TLE1: variants seen among roughly 807,000 people sequenced by gnomAD.
TLE1 encodes transducin-like enhancer protein 1.
Under a neutral mutation model 89.8 loss-of-function variants are expected in TLE1, and 21 were observed. The observed-to-expected ratio is 0.23, with a 90% confidence interval of 0.17 to 0.34. TLE1 has a LOEUF of 0.34. Among genes scored for constraint, TLE1 ranks in the 10% least tolerant of loss-of-function variants. The pLI is 1.00. For synonymous variants in TLE1, 447 were observed against 407.6 expected, an observed-to-expected ratio of 1.10 and a Z score of -1.16; for missense variants, 795 against 1,031.2, an observed-to-expected ratio of 0.77 and a Z score of 3.14.
chr9:81,634,526 C>T (rs1827131621), intron 6 of TLE1, among the ~76,000 whole-genome samples: 1 of 152,178 alleles, frequency 6.6e-6, no homozygotes, highest in Admixed American at 6.5e-5. Flanking sequence ...TTCACCTGCT[C>T]AATTACCTCT....
intron 4 of TLE1, among the ~76,000 whole-genome samples, chr9:81,666,961 A>T (rs954818053): frequency 3.3e-5 from 5 of 151,918 alleles, no homozygotes; most frequent in African/African-American, 9.7e-5. Flanking sequence ...CTACAGAAAA[A>T]ATTTAAAAAT....
At chr9:81,687,792 G>A (rs13286197) in intron 1 of TLE1, among the ~76,000 whole-genome samples, 10,942 of 152,076 alleles carry the variant, frequency 0.072, 507 homozygotes, top group Non-Finnish European at 0.1. Flanking sequence ...CCGGGGACCA[G>A]AGGAGAAAAA....
chr9:81,649,412 G>T (rs1323016446), intron 6 of TLE1, among the ~76,000 whole-genome samples: 1 of 152,232 alleles, frequency 6.6e-6, no homozygotes, highest in African/African-American at 2.4e-5. Flanking sequence ...TCCTTGAGAT[G>T]ATTTACTTTT....
intron 4 of TLE1, among the ~76,000 whole-genome samples, chr9:81,671,644 CAA>C (rs1313960980): frequency 1.6e-5 from 2 of 125,256 alleles, no homozygotes; most frequent in Admixed American, 8.1e-5. Flanking sequence ...GACTCCGTCT[CAA>C]AAAAAAAAAA....
chr9:81,687,575 C>G (rs1834470682), intron 1 of TLE1, 141 bp from the exon 2 acceptor site: 1 of 625,258 alleles, frequency 1.6e-6, no homozygotes, highest in East Asian at 2.8e-5. Flanking sequence ...CTCGAGTTTG[C>G]CCTTCACTAT....
intron 14 of TLE1, among the ~76,000 whole-genome samples, chr9:81,595,587 G>A (rs2131867588): frequency 6.6e-6 from 1 of 152,260 alleles, no homozygotes; most frequent in East Asian, 1.9e-4. Context: ...GGGAGGCCAA[G>A]GCGGGCGGAT....
chr9:81,623,220 G>T (rs1022880649), intron 8 of TLE1, among the ~76,000 whole-genome samples: 6 of 152,034 alleles, frequency 3.9e-5, no homozygotes, highest in Non-Finnish European at 7.4e-5. Context: ...CTCATGTTGT[G>T]ATTTCTCCTC....
At chr9:81,636,600 G>A (rs1827395322) in intron 6 of TLE1, among the ~76,000 whole-genome samples, 1 of 152,100 alleles carries the variant, frequency 6.6e-6, no homozygotes, top group African/African-American at 2.4e-5. Context: ...CCCTCTCCCT[G>A]CTTCCCCCAC....
chr9:81,587,887 T>C (rs1458168132), intron 16 of TLE1, 59 bp from the exon 17 acceptor site: 5 of 1,599,028 alleles, frequency 3.1e-6, no homozygotes, highest in Non-Finnish European at 4.3e-6. Flanking sequence ...GTAAACACTG[T>C]TGTGTTGTTA....
Position 81,611,854 on chromosome 9 carries a change from G to A in TLE1, c.1169C>T (p.Ala390Val). 1 of 1,563,472 alleles carries A rather than the reference G, an allele frequency of 6.4e-7. No homozygotes were observed. The highest frequency in any genetic ancestry group is 8.6e-7 in the Non-Finnish European group (1 of 1,158,910). The change falls in exon 13 of 20, where the codon GCC (alanine) becomes GTC (valine). Residue 390 changes from alanine to valine, a missense_variant. Physicochemically the swap from Ala to Val is moderately conservative, Grantham distance 64. Transcript: ENST00000376499. Reference protein sequence around the residue: ...MNGELTSPGAAYASLHNMSPQ... With the variant: ...MNGELTSPGAVYASLHNMSPQ... ...CGACATGTTGTGTAAACTGGCGTAG[G>A]CAGCGCCTGGGCTGGTCAGCTCGCC...
At chr9:81,676,993 T>G (rs935962832) in intron 4 of TLE1, among the ~76,000 whole-genome samples, 2 of 152,264 alleles carry the variant, frequency 1.3e-5, no homozygotes, top group Non-Finnish European at 2.9e-5. Context: ...TCCCAACACT[T>G]TGGGAGGCCA....
At chr9:81,584,666 G>T in intron 18 of TLE1, 142 bp from the exon 19 acceptor site, 1 of 723,550 alleles carries the variant, frequency 1.4e-6, no homozygotes, top group Non-Finnish European at 2.2e-6. Flanking sequence ...TATGAACAGA[G>T]GTTTTAATCT....
intron 8 of TLE1, among the ~76,000 whole-genome samples, chr9:81,632,661 C>G (rs899345846): frequency 6.6e-6 from 1 of 152,116 alleles, no homozygotes; most frequent in African/African-American, 2.4e-5. Context: ...GATGCATGTA[C>G]AGATCAAATG....
intron 1 of TLE1, 21 bp from the exon 2 acceptor site, chr9:81,687,455 G>A (rs1834442004): frequency 1.3e-6 from 2 of 1,585,764 alleles, no homozygotes. Flanking sequence ...CCAGCGAGGG[G>A]GACCGAGGGA....
chr9:81,663,022 A>AT (rs1204759370), intron 4 of TLE1, among the ~76,000 whole-genome samples: 1 of 151,892 alleles, frequency 6.6e-6, no homozygotes, highest in Non-Finnish European at 1.5e-5. Flanking sequence ...TAATTTTTGC[A>AT]TTTTTAGTAG....
In TLE1 at chr9:81,590,849, G is replaced by A. The variant is rs770937009; in HGVS notation, c.1785C>T (p.Asp595=). 20 of 1,614,200 alleles carry A rather than the reference G, an allele frequency of 1.2e-5. No individual in the cohort carries two copies. The highest frequency in any genetic ancestry group is 1.4e-5 in the Non-Finnish European group (17 of 1,180,050). ...GCAGATCCCACACAGCGATGTTGCCGTCGCTGCAGCATGAGAAGCAGACCT... is the reference window on the plus strand; with the variant it reads ...GCAGATCCCACACAGCGATGTTGCCATCGCTGCAGCATGAGAAGCAGACCT... ...DSKVCFSCCS[D]GNIAVWDLHN... Residue 595 remains aspartate, a synonymous_variant, in exon 16 of 20, where the codon GAC becomes GAT. Coordinates refer to ENST00000376499, the MANE Select transcript of TLE1 (RefSeq NM_005077.5).
chr9:81,643,355 G>T (rs1828408090), intron 6 of TLE1, among the ~76,000 whole-genome samples: 1 of 151,948 alleles, frequency 6.6e-6, no homozygotes, highest in African/African-American at 2.4e-5. Flanking sequence ...TCCTGCCTCA[G>T]CCTCCTGAGT....
chr9:81,589,235 A>G (rs910646139), intron 16 of TLE1, among the ~76,000 whole-genome samples: 3 of 152,074 alleles, frequency 2.0e-5, no homozygotes, highest in Non-Finnish European at 2.9e-5. Context: ...TAACTCATGA[A>G]ACGCTGTTCC....
intron 4 of TLE1, among the ~76,000 whole-genome samples, chr9:81,656,121 A>G (rs1355618868): frequency 2.6e-5 from 4 of 152,156 alleles, no homozygotes; most frequent in African/African-American, 9.7e-5. Flanking sequence ...ACCTTGCTTT[A>G]GCCAGCGAGG....
Sources: allele counts gnomAD v4.1 joint callset (sites outside exome capture counted in the v4.1 genomes callset), GRCh38; gene constraint gnomAD v4.1.1; transcripts MANE v1.5; gene names NCBI Gene and HGNC (gene_info 2026-07-23, HGNC 2026-07-21).